The following RYR2 variants were observed in gnomAD, a reference collection of about 807,000 sequenced individuals.
RYR2 encodes ryanodine receptor 2, also known as cardiac muscle ryanodine receptor-calcium release channel.
RYR2 carries 227 observed loss-of-function variants against 601.1 expected under a neutral mutation model. The observed-to-expected ratio is 0.38, with a 90% CI of 0.34 to 0.42. RYR2 has a LOEUF of 0.42. Ranked by LOEUF, RYR2 falls within the 10% of genes least tolerant of loss-of-function variation. The probability of loss-of-function intolerance (pLI) is 1.00; values close to 1 mark genes in which losing one functional copy is unlikely to be tolerated. For missense variants in RYR2, 4,646 were observed against 6,156.5 expected, an observed-to-expected ratio of 0.75 and a Z score of 8.21; for synonymous variants, 2,223 against 2,175.1, an observed-to-expected ratio of 1.02 and a Z score of -0.61.
intron 68 of RYR2, 98 bp downstream of exon 68, chr1:237,707,367 TAATA>T: frequency 1.6e-6 from 1 of 642,300 alleles, no homozygotes; most frequent in Non-Finnish European, 2.4e-6. Context: ...CAATTTTTAT[TAATA>T]TTTTCTTTAC....
chr1:237,044,991 G>A (rs558945484), intron 1 of RYR2, among the ~76,000 whole-genome samples: 6 of 149,758 alleles, frequency 4.0e-5, no homozygotes, highest in Admixed American at 2.7e-4. Context: ...AGCCCAAGGA[G>A]TATTAGGAAT....
rs71561898 is a variant in RYR2 at position 237,731,891 on chromosome 1, TACACAC to T, written c.10936-132_10936-127del. Among the ~76,000 whole-genome samples the T allele has an allele frequency of 7.1e-3, 1,047 of 147,396 alleles. 13 individuals are homozygous for T. The highest frequency in any genetic ancestry group is 0.025 in the African/African-American group (987 of 40,034). On this transcript the variant is annotated intron_variant, in intron 77 of 104. Transcript: ENST00000366574. The stretch of plus-strand genomic sequence containing the variant: ...TATAGCATGTATAATGCATATAAAA[TACACAC>T]ACACACACACACACACACACACCCC...
chr1:237,620,095 G>T (rs1411999954), intron 38 of RYR2, among the ~76,000 whole-genome samples: 5 of 152,138 alleles, frequency 3.3e-5, no homozygotes, highest in African/African-American at 1.2e-4. Flanking sequence ...ATTTATGATT[G>T]ATGGTTGAAG....
At chr1:237,275,924 T>C (rs1348403126) in intron 2 of RYR2, among the ~76,000 whole-genome samples, 1 of 152,114 alleles carries the variant, frequency 6.6e-6, no homozygotes, top group African/African-American at 2.4e-5. Flanking sequence ...CAAAAGACTT[T>C]TCTATCTGAA....
intron 62 of RYR2, among the ~76,000 whole-genome samples, chr1:237,682,922 T>G (rs1225730031): frequency 6.6e-6 from 1 of 152,142 alleles, no homozygotes; most frequent in Non-Finnish European, 1.5e-5. Context: ...AAGAAAATCA[T>G]AGAGGAAAAT....
At chr1:237,134,298 A>C (rs1258713586) in intron 1 of RYR2, among the ~76,000 whole-genome samples, 1 of 152,072 alleles carries the variant, frequency 6.6e-6, no homozygotes, top group Non-Finnish European at 1.5e-5. Flanking sequence ...TAATCAGTGT[A>C]TTTGTCCATG....
At chr1:237,444,450 T>C (rs1271536869) in intron 13 of RYR2, among the ~76,000 whole-genome samples, 2 of 152,326 alleles carry the variant, frequency 1.3e-5, no homozygotes, top group East Asian at 1.9e-4. Flanking sequence ...GCTTTCTAGA[T>C]AATTTATAGT....
At position 237,792,376 on chromosome 1, in the gene RYR2, TGTGTGCGTGTGTGTGTGTGTGC is replaced by T. The variant is rs1443020210; in HGVS notation, c.13782+59_13782+80del. The T allele has an allele frequency of 9.1e-6, 7 of 771,586 alleles. No homozygotes were observed. The African/African-American group carries it at 1.2e-4, about 13-fold the overall frequency. 47.8% of individuals were successfully genotyped at this position (771,586 alleles called of 1,614,324 possible). A position where few individuals can be genotyped will look rare whatever the true frequency, so the allele number is the denominator to read the frequency against. The stretch of plus-strand genomic sequence containing the variant: ...GTGTGTGTGTGTGTGTGTGTGTGTG[TGTGTGCGTGTGTGTGTGTGTGC>T]GTGTGTGTGTGTGTGTGTGTGTGTG... On this transcript the variant is annotated intron_variant, in intron 94 of 104. Coordinates refer to ENST00000366574, the MANE Select transcript of RYR2 (RefSeq NM_001035.3).
intron 1 of RYR2, among the ~76,000 whole-genome samples, chr1:237,049,212 G>A (rs1660954665): frequency 6.6e-6 from 1 of 152,172 alleles, no homozygotes; most frequent in Non-Finnish European, 1.5e-5. Flanking sequence ...GATTAATTGA[G>A]TCTGAGTGAT....
intron 101 of RYR2, among the ~76,000 whole-genome samples, chr1:237,826,687 CAT>C (rs1663131032): frequency 6.6e-6 from 1 of 152,140 alleles, no homozygotes; most frequent in Admixed American, 6.5e-5. Flanking sequence ...ATACCTGATG[CAT>C]AGTCAGTGCT....
In RYR2 at chr1:237,610,371, A is replaced by T. The variant is rs1368947720; in HGVS notation, c.4684-391A>T. ...GATATTGAGAGAGAGAGCCAGGGGG[A>T]TGTGACATATCTGTCATTCAGGAAG... is the stretch of plus-strand genomic sequence containing the variant. On this transcript the variant is annotated intron_variant, in intron 35 of 104. Coordinates refer to ENST00000366574, the MANE Select transcript of RYR2 (RefSeq NM_001035.3). This position sits in a 1 kb window ranked among gnomAD's most constrained non-coding sequence, Gnocchi z 4.9. Among the ~76,000 whole-genome samples, 1 of 152,078 alleles carries T rather than the reference A, an allele frequency of 6.6e-6. No individual in the cohort carries two copies. Among genetic ancestry groups the T allele is most frequent in the African/African-American group, 2.4e-5 (1 of 41,402 alleles).
At chr1:237,263,115 A>G (rs1291089588) in intron 1 of RYR2, among the ~76,000 whole-genome samples, 2 of 152,182 alleles carry the variant, frequency 1.3e-5, no homozygotes, top group Non-Finnish European at 2.9e-5. Context: ...TGTCACAGCA[A>G]TAATAGACAG....
intron 1 of RYR2, among the ~76,000 whole-genome samples, chr1:237,245,935 C>T (rs1324755651): frequency 2.0e-5 from 3 of 151,802 alleles, no homozygotes; most frequent in African/African-American, 4.8e-5. Context: ...GTTCCCACCA[C>T]TACACCCAAC....
chr1:237,677,365 C>A (rs1379305048), intron 60 of RYR2, among the ~76,000 whole-genome samples: 1 of 152,146 alleles, frequency 6.6e-6, no homozygotes, highest in Non-Finnish European at 1.5e-5. Context: ...AGAAAGGCCA[C>A]CTTCTAAGCT....
chr1:237,105,984 A>G (rs1668632943), intron 1 of RYR2, among the ~76,000 whole-genome samples: 1 of 152,130 alleles, frequency 6.6e-6, no homozygotes, highest in Non-Finnish European at 1.5e-5. Context: ...GCCAGCACCA[A>G]CGTGGGAGTG....
At chr1:237,628,434 T>C (rs1162318639) in intron 41 of RYR2, among the ~76,000 whole-genome samples, 2 of 146,424 alleles carry the variant, frequency 1.4e-5, no homozygotes, top group African/African-American at 2.6e-5. Flanking sequence ...TGTGTTCACA[T>C]TGTTCAATTC....
intron 1 of RYR2, among the ~76,000 whole-genome samples, chr1:237,051,304 T>TC (rs1661247115): frequency 2.8e-5 from 2 of 70,812 alleles, no homozygotes; most frequent in African/African-American, 1.3e-4. Flanking sequence ...CTCTCTCTCT[T>TC]TCTCTTTATC....
intron 1 of RYR2, among the ~76,000 whole-genome samples, chr1:237,118,864 T>G (rs554743082): frequency 6.6e-6 from 1 of 152,142 alleles, no homozygotes; most frequent in Non-Finnish European, 1.5e-5. Context: ...TGGTTCAATA[T>G]TTAAAGAAAC....
At chr1:237,087,619 C>T (rs560786487) in intron 1 of RYR2, among the ~76,000 whole-genome samples, 2 of 152,118 alleles carry the variant, frequency 1.3e-5, no homozygotes, top group Non-Finnish European at 2.9e-5. Flanking sequence ...AAATGGCATT[C>T]GTATATCTTG....
Sources: gnomAD v4.1 joint callset for allele counts (sites outside exome capture counted in the v4.1 genomes callset) on GRCh38, gnomAD v4.1.1 for gene constraint, Gnocchi (gnomAD v3.1) non-coding constraint, MANE v1.5 for transcripts, NCBI Gene and HGNC (gene_info 2026-07-23, HGNC 2026-07-21) for gene names.